AP3B1: variants seen among roughly 807,000 people sequenced by gnomAD.
The protein encoded by AP3B1 is adaptor related protein complex 3 subunit beta 1.
A neutral mutation model predicts 132.5 loss-of-function variants in AP3B1; 61 were observed. The ratio of observed to expected loss-of-function variants is 0.46; its 90% CI spans 0.37 to 0.57. AP3B1 has a LOEUF of 0.57. AP3B1 is among the 20% of genes least tolerant of loss of function. The pLI is 0.00. For synonymous variants in AP3B1, 388 were observed against 438.3 expected, an observed-to-expected ratio of 0.89 and a Z score of 1.43; for missense variants, 1,120 against 1,289.4, an observed-to-expected ratio of 0.87 and a Z score of 2.01.
At position 78,051,185 on chromosome 5, in the gene AP3B1, C is replaced by T. The variant is rs988542685; in HGVS notation, c.2578-11911G>A. On this transcript the variant is annotated intron_variant, in intron 22 of 26. Transcript: ENST00000255194. ...AGAGTGCACATAACTGTCTACTTAG[C>T]GCTTACTGAAACATTTATAAGAGCT... Among the ~76,000 whole-genome samples, 20 of 152,110 alleles carry T rather than the reference C, an allele frequency of 1.3e-4. 1 individual carries two copies. Among genetic ancestry groups the T allele is most frequent in the South Asian group, 4.1e-4 (2 of 4,834 alleles).
At chr5:78,234,060 A>G (rs967660395) in intron 3 of AP3B1, among the ~76,000 whole-genome samples, 1 of 152,162 alleles carries the variant, frequency 6.6e-6, no homozygotes, top group Non-Finnish European at 1.5e-5. Flanking sequence ...TTTGAAAATG[A>G]CATCATTGCA....
intron 7 of AP3B1, among the ~76,000 whole-genome samples, chr5:78,189,463 T>C (rs192570122): frequency 6.6e-6 from 1 of 152,316 alleles, no homozygotes; most frequent in African/African-American, 2.4e-5. Context: ...TTTTAATGAC[T>C]ATAATTAAAG....
At position 78,276,343 on chromosome 5, in the gene AP3B1, C is replaced by CAAGT. The variant is rs376803987; in HGVS notation, c.129-8752_129-8749dup. ...TCAGTCTCCAAAAATGCTAGGATTG[C>CAAGT]AAGTGTGAGCCACCATGCCAGCCTG... On this transcript the variant is annotated intron_variant, in intron 1 of 26. Coordinates refer to ENST00000255194, the MANE Select transcript of AP3B1 (RefSeq NM_003664.5). Among the ~76,000 whole-genome samples, 981 of 152,250 alleles carry CAAGT rather than the reference C, an allele frequency of 6.4e-3. 5 individuals carry two copies. Among genetic ancestry groups the CAAGT allele is most frequent in the African/African-American group, 0.022 (923 of 41,538 alleles).
intron 2 of AP3B1, among the ~76,000 whole-genome samples, chr5:78,254,040 A>G (rs1747752875): frequency 6.6e-6 from 1 of 151,916 alleles, no homozygotes; most frequent in Non-Finnish European, 1.5e-5. Context: ...GAAATTCTAG[A>G]GTTAAAAAAT....
chr5:78,133,748 A>G (rs1161765116), intron 15 of AP3B1, among the ~76,000 whole-genome samples: 2 of 152,188 alleles, frequency 1.3e-5, no homozygotes, highest in African/African-American at 4.8e-5. Flanking sequence ...TAACAAAAAT[A>G]TTCAATATCA....
chr5:78,079,213 C>T (rs150351357), intron 22 of AP3B1, among the ~76,000 whole-genome samples: 7 of 152,210 alleles, frequency 4.6e-5, no homozygotes, highest in Middle Eastern at 3.4e-3. Context: ...CATAAGTTAA[C>T]ATTTTTTTTT....
intron 7 of AP3B1, among the ~76,000 whole-genome samples, chr5:78,211,631 A>G (rs1340896446): frequency 6.6e-6 from 1 of 152,216 alleles, no homozygotes; most frequent in African/African-American, 2.4e-5. Flanking sequence ...AAAATTCAAT[A>G]GGAAACATGA....
chr5:78,001,256 C>T (rs530140838), downstream of AP3B1: 155 of 152,294 alleles, frequency 1.0e-3, no homozygotes, highest in African/African-American at 3.6e-3. Flanking sequence ...CTGTCAAATT[C>T]TGTCTGACAT....
intron 12 of AP3B1, among the ~76,000 whole-genome samples, 193 bp from the exon 13 acceptor site, chr5:78,163,144 T>C (rs1266293481): frequency 6.6e-6 from 1 of 152,196 alleles, no homozygotes; most frequent in Non-Finnish European, 1.5e-5. Context: ...AATGTGCCTA[T>C]GGACGAAGCA....
downstream of AP3B1, chr5:78,000,751 T>A (rs1057324071): frequency 6.6e-6 from 1 of 152,190 alleles, no homozygotes; most frequent in Non-Finnish European, 1.5e-5. Flanking sequence ...GAATTCAACA[T>A]TGACTAACTC....
chr5:78,097,704 G>A (rs1231849658), intron 21 of AP3B1, among the ~76,000 whole-genome samples: 4 of 151,824 alleles, frequency 2.6e-5, no homozygotes, highest in South Asian at 2.1e-4. Context: ...GGAGGTGAGG[G>A]GCGCCTCTGC....
chr5:78,136,778 C>A (rs1246273328), intron 15 of AP3B1, among the ~76,000 whole-genome samples: 1 of 151,606 alleles, frequency 6.6e-6, no homozygotes, highest in Non-Finnish European at 1.5e-5. Flanking sequence ...TTGAGTGTTG[C>A]CACTCTAACT....
At chr5:78,078,600 G>A (rs1218374787) in intron 22 of AP3B1, among the ~76,000 whole-genome samples, 1 of 152,076 alleles carries the variant, frequency 6.6e-6, no homozygotes, top group African/African-American at 2.4e-5. Context: ...TTCCCTGTTG[G>A]TAAACTCAAT....
At chr5:78,232,112 TA>T (rs778612701) in intron 3 of AP3B1, among the ~76,000 whole-genome samples, 14 of 152,216 alleles carry the variant, frequency 9.2e-5, no homozygotes, top group Non-Finnish European at 2.1e-4. Context: ...TATTTCACGA[TA>T]GGGGTGAATC....
In AP3B1 at chr5:78,267,463, A is replaced by G. The variant is rs1748370498; in HGVS notation, c.204+57T>C. On this transcript the variant is annotated intron_variant, in intron 2 of 26. Coordinates refer to ENST00000255194, the MANE Select transcript of AP3B1 (RefSeq NM_003664.5). ...CGTATTTTTATATATATATATAATA[A>G]TATGATCACTGCTTGTCCATTTTTC... 4.5e-6 allele frequency: 4 copies of G among 891,936 alleles called. No individual in the cohort carries two copies. The Admixed American group carries it at 5.6e-5, about 12-fold the overall frequency. 55.3% of individuals were successfully genotyped at this position (891,936 alleles called of 1,614,324 possible). A position where few individuals can be genotyped will look rare whatever the true frequency, so the allele number is the denominator to read the frequency against.
intron 20 of AP3B1, among the ~76,000 whole-genome samples, chr5:78,103,498 C>T (rs1165440550): frequency 6.6e-6 from 1 of 152,144 alleles, no homozygotes; most frequent in Admixed American, 6.5e-5. Context: ...AAACCATCAT[C>T]GACAAACCAA....
chr5:78,237,063 A>G (rs1488718954), intron 3 of AP3B1, among the ~76,000 whole-genome samples: 1 of 152,258 alleles, frequency 6.6e-6, no homozygotes. Context: ...AATTTAATCT[A>G]ATTCATAAAC....
intron 7 of AP3B1, among the ~76,000 whole-genome samples, chr5:78,197,281 A>G (rs183603123): frequency 1.3e-3 from 195 of 151,422 alleles, no homozygotes; most frequent in Non-Finnish European, 1.8e-3. Context: ...CCCTAATGCT[A>G]GTGAAAAAAA....
intron 23 of AP3B1, among the ~76,000 whole-genome samples, chr5:78,035,316 C>T (rs1186571162): frequency 1.3e-5 from 2 of 151,834 alleles, no homozygotes; most frequent in Non-Finnish European, 2.9e-5. Flanking sequence ...TTGATTTCTA[C>T]TTTGCTCAAA....
Sources: gnomAD v4.1 joint callset for allele counts (sites outside exome capture counted in the v4.1 genomes callset) on GRCh38, gnomAD v4.1.1 for gene constraint, MANE v1.5 for transcripts, NCBI Gene and HGNC (gene_info 2026-07-23, HGNC 2026-07-21) for gene names.